Variants in POU2F1 observed in about 807,000 individuals in gnomAD.
POU2F1 encodes the protein POU class 2 homeobox 1, also known as POU domain, class 2, transcription factor 1.
POU2F1 carries 16 observed loss-of-function variants against 84.9 expected under a neutral mutation model. The ratio of observed to expected loss-of-function variants is 0.19; its 90% CI spans 0.13 to 0.29. The LOEUF (loss-of-function observed/expected upper bound fraction) is 0.29. Ranked by LOEUF, POU2F1 falls within the 10% of genes least tolerant of loss-of-function variation. POU2F1 has a pLI of 1.00. For synonymous variants in POU2F1, 368 were observed against 368.3 expected (o/e 1.00, Z 0.01); for missense variants, 738 against 942.6 (o/e 0.78, Z 2.84).
chr1:167,245,234 C>G lies in POU2F1; in HGVS notation c.61+24276C>G, dbSNP rs553544477. Among the ~76,000 whole-genome samples, 70 of 151,338 alleles carry G rather than the reference C, an allele frequency of 4.6e-4. 1 individual carries two copies. Among genetic ancestry groups the G allele is most frequent in the African/African-American group, 1.6e-3 (67 of 41,250 alleles). ...AAAATGGCTAAAAGCTATTATGTGA[C>G]TCAAATTTCTTTTTTTTTTTTTGTT... On this transcript the variant is annotated intron_variant, in intron 1 of 15. Coordinates refer to ENST00000367866, the MANE Select transcript of POU2F1 (RefSeq NM_002697.4).
intron 1 of POU2F1, among the ~76,000 whole-genome samples, chr1:167,307,656 C>T (rs1655168727): frequency 6.6e-6 from 1 of 152,270 alleles, no homozygotes; most frequent in African/African-American, 2.4e-5. Flanking sequence ...AACTACTTTA[C>T]TGTCCCTACA....
intron 9 of POU2F1, among the ~76,000 whole-genome samples, chr1:167,395,528 A>G (rs1049426973): frequency 2.6e-5 from 4 of 152,206 alleles, no homozygotes; most frequent in African/African-American, 7.2e-5. Context: ...TAGTTCGTAA[A>G]TATCTTGGGT....
intron 2 of POU2F1, among the ~76,000 whole-genome samples, chr1:167,334,474 GC>G (rs1182988224): frequency 4.6e-5 from 7 of 152,150 alleles, no homozygotes; most frequent in Admixed American, 1.3e-4. Flanking sequence ...CACAAAACCA[GC>G]CAGGAAATAA....
chr1:167,240,007 A>G (rs1411371028), intron 1 of POU2F1, among the ~76,000 whole-genome samples: 1 of 151,742 alleles, frequency 6.6e-6, no homozygotes, highest in African/African-American at 2.4e-5. Flanking sequence ...TTGACATGAC[A>G]CACAACTCAA....
intron 2 of POU2F1, among the ~76,000 whole-genome samples, chr1:167,341,643 A>G (rs548027977): frequency 1.3e-5 from 2 of 152,288 alleles, no homozygotes; most frequent in East Asian, 1.9e-4. Flanking sequence ...CTCTGGCCAC[A>G]TGATAGTGTC....
chr1:167,224,260 C>T (rs147598834), intron 1 of POU2F1, among the ~76,000 whole-genome samples: 328 of 152,226 alleles, frequency 2.2e-3, no homozygotes, highest in Non-Finnish European at 3.9e-3. Context: ...TTGTGATCCC[C>T]CAGACTTTTA....
chr1:167,279,389 T>C (rs955740722), intron 1 of POU2F1, among the ~76,000 whole-genome samples: 1 of 152,332 alleles, frequency 6.6e-6, no homozygotes, highest in African/African-American at 2.4e-5. Flanking sequence ...TGACAGAACA[T>C]GTAACAGAGT....
At chr1:167,297,484 C>T (rs1432089928) in intron 1 of POU2F1, among the ~76,000 whole-genome samples, 1 of 152,116 alleles carries the variant, frequency 6.6e-6, no homozygotes, top group African/African-American at 2.4e-5. Context: ...TAATAATGTC[C>T]AGAGAAAAGA....
chr1:167,308,801 G>T (rs1486086744), intron 1 of POU2F1, among the ~76,000 whole-genome samples: 1 of 152,200 alleles, frequency 6.6e-6, no homozygotes, highest in Non-Finnish European at 1.5e-5. Context: ...TTACAGGCAT[G>T]AGCCACCGTG....
At chr1:167,228,478 T>C (rs902314208) in intron 1 of POU2F1, among the ~76,000 whole-genome samples, 6 of 152,262 alleles carry the variant, frequency 3.9e-5, no homozygotes, top group African/African-American at 1.4e-4. Flanking sequence ...TTGAGGATAT[T>C]GTCCAATTAC....
intron 1 of POU2F1, among the ~76,000 whole-genome samples, chr1:167,269,396 T>A (rs1411151946): frequency 6.6e-6 from 1 of 152,174 alleles, no homozygotes; most frequent in African/African-American, 2.4e-5. Flanking sequence ...AATAGAGACC[T>A]CCTTAGTTTA....
chr1:167,284,011 C>G (rs1346462218), intron 1 of POU2F1, among the ~76,000 whole-genome samples: 1 of 152,022 alleles, frequency 6.6e-6, no homozygotes, highest in Non-Finnish European at 1.5e-5. Flanking sequence ...TAAATTCAGG[C>G]CAGATTCTTT....
intron 1 of POU2F1, among the ~76,000 whole-genome samples, chr1:167,227,702 A>C (rs1202957520): frequency 6.6e-6 from 1 of 152,168 alleles, no homozygotes; most frequent in Non-Finnish European, 1.5e-5. Context: ...AGTCTTTGGG[A>C]ATAACAAGGA....
intron 1 of POU2F1, among the ~76,000 whole-genome samples, chr1:167,315,779 G>A (rs1655847067): frequency 6.6e-6 from 1 of 150,806 alleles, no homozygotes. Context: ...ACTCCAGTCT[G>A]GGCAACAGAG....
At chr1:167,311,950 T>C (rs1366473812) in intron 1 of POU2F1, among the ~76,000 whole-genome samples, 1 of 151,236 alleles carries the variant, frequency 6.6e-6, no homozygotes, top group Non-Finnish European at 1.5e-5. Context: ...TTTTTGTTTG[T>C]GTGTCTTTTT....
rs1197814755 is a variant in POU2F1 at position 167,358,716 on chromosome 1, C to CTTTTT, written c.128-6734_128-6730dup. Among the ~76,000 whole-genome samples the CTTTTT allele has an allele frequency of 1.8e-4, 7 of 38,350 alleles. 2 individuals are homozygous for CTTTTT. Among genetic ancestry groups the CTTTTT allele is most frequent in the African/African-American group, 5.0e-4 (7 of 13,998 alleles). 25.2% of individuals were successfully genotyped at this position (38,350 alleles called of 152,430 possible). ...TTCTTAATCTTTTTATTATCTGCAG[C>CTTTTT]TTTTTTTTTTTTTTTTTTTTTGAGA... On this transcript the variant is annotated intron_variant, in intron 2 of 15. Transcript: ENST00000367866.
intron 9 of POU2F1, among the ~76,000 whole-genome samples, chr1:167,393,921 A>G (rs931472865): frequency 2.0e-5 from 3 of 152,372 alleles, no homozygotes; most frequent in African/African-American, 7.2e-5. Flanking sequence ...GTGATACACA[A>G]TGCATAAGTT....
At chr1:167,250,766 A>G (rs2102403093) in intron 1 of POU2F1, among the ~76,000 whole-genome samples, 1 of 152,328 alleles carries the variant, frequency 6.6e-6, no homozygotes, top group Middle Eastern at 3.4e-3. Context: ...TATCCTAAAC[A>G]TTTCAATTTT....
chr1:167,399,175 TC>T lies in POU2F1; in HGVS notation c.1270-10del. 2 of 1,590,640 alleles carry T rather than the reference TC, an allele frequency of 1.3e-6. No homozygotes were observed. Among genetic ancestry groups the T allele is most frequent in the Non-Finnish European group, 1.7e-6 (2 of 1,167,774 alleles). ...GGATAGCTTTTGGAATTACATCTTT[TC>T]ACCCTGCAGAATCAAAAGCCTACCT... is the stretch of plus-strand genomic sequence containing the variant. On this transcript the variant is annotated splice_polypyrimidine_tract_variant and intron_variant, in intron 11 of 15. Coordinates refer to ENST00000367866, the MANE Select transcript of POU2F1 (RefSeq NM_002697.4).
Sources: gnomAD v4.1 joint callset for allele counts (sites outside exome capture counted in the v4.1 genomes callset) on GRCh38, gnomAD v4.1.1 for gene constraint, MANE v1.5 for transcripts, NCBI Gene and HGNC (gene_info 2026-07-23, HGNC 2026-07-21) for gene names.